The following AKAP13 variants were observed in gnomAD, a reference collection of about 807,000 sequenced individuals.
The protein encoded by AKAP13 is A-kinase anchoring protein 13.
A neutral mutation model predicts 264.5 loss-of-function variants in AKAP13; 80 were observed. The ratio of observed to expected loss-of-function variants is 0.30; its 90% CI spans 0.25 to 0.36. AKAP13 has a LOEUF of 0.36. Among genes scored for constraint, AKAP13 ranks in the 10% least tolerant of loss-of-function variants. AKAP13 has a pLI of 1.00. For missense variants in AKAP13, 3,712 were observed against 3,435.2 expected (o/e 1.08, Z -2.01); for synonymous variants, 1,380 against 1,250.2 (o/e 1.10, Z -2.19).
chr15:85,624,378 A>T (rs2151428443), intron 8 of AKAP13: 1 of 152,306 alleles, frequency 6.6e-6, no homozygotes, highest in South Asian at 2.1e-4. Context: ...AGGCCACACG[A>T]GCTCATTGGC....
At chr15:85,656,504 C>T (rs541537762) in intron 11 of AKAP13, among the ~76,000 whole-genome samples, 5 of 152,052 alleles carry the variant, frequency 3.3e-5, no homozygotes, top group East Asian at 1.9e-4. Flanking sequence ...TGGAGTGCAG[C>T]GGCGCAATCT....
chr15:85,733,181 T>C (rs1490775315), intron 30 of AKAP13, among the ~76,000 whole-genome samples: 1 of 152,260 alleles, frequency 6.6e-6, no homozygotes, highest in African/African-American at 2.4e-5. Flanking sequence ...AGCTCTTTCA[T>C]GCTGGTAATA....
At chr15:85,670,482 A>G (rs546256671) in intron 14 of AKAP13, among the ~76,000 whole-genome samples, 3 of 150,196 alleles carry the variant, frequency 2.0e-5, no homozygotes, top group African/African-American at 4.9e-5. Context: ...CTAATTATCC[A>G]AATCAGGAAA....
Position 85,747,572 on chromosome 15 carries a change from G to A in AKAP13, c.*2895G>A, listed in dbSNP as rs1017930120. ...AGTGAGCTTCCTGGAAGGAGACTGC[G>A]TCTTCTCTCAATTCCAGTCATCTCA... On this transcript the variant is annotated 3_prime_UTR_variant, in exon 37 of 37. Transcript: ENST00000394518. The A allele has an allele frequency of 2.6e-5, 4 of 152,632 alleles. No homozygotes were observed. Among genetic ancestry groups the A allele is most frequent in the Non-Finnish European group, 2.9e-5 (2 of 68,044 alleles). 9.5% of individuals were successfully genotyped at this position (152,632 alleles called of 1,614,324 possible). A position where few individuals can be genotyped will look rare whatever the true frequency, so the allele number is the denominator to read the frequency against.
chr15:85,519,174 T>A (rs1045372019), intron 2 of AKAP13, among the ~76,000 whole-genome samples: 10 of 152,218 alleles, frequency 6.6e-5, no homozygotes, highest in African/African-American at 2.4e-4. Flanking sequence ...CATTACCTTT[T>A]ATGGCCCATT....
chr15:85,687,716 G>T (rs2085024159), intron 16 of AKAP13, among the ~76,000 whole-genome samples: 1 of 151,922 alleles, frequency 6.6e-6, no homozygotes, highest in African/African-American at 2.4e-5. Flanking sequence ...GGAACAGCTT[G>T]GCTTTTGTCA....
At chr15:85,606,914 A>G (rs1433788042) in intron 8 of AKAP13, among the ~76,000 whole-genome samples, 2 of 152,170 alleles carry the variant, frequency 1.3e-5, no homozygotes, top group East Asian at 1.9e-4. Flanking sequence ...AATGGGTCAC[A>G]CTAGTATTTC....
rs563956588 is a variant in AKAP13 at position 85,402,963 on chromosome 15, A to T, written c.-12+22165A>T. ...AGCACCGCTGTTACTCATGTTTTTC[A>T]TTAATGAAATCTGGTAATAAAAGTG... On this transcript the variant is annotated intron_variant, in intron 1 of 36. Coordinates refer to ENST00000394518, the MANE Select transcript of AKAP13 (RefSeq NM_007200.5). Among the ~76,000 whole-genome samples, 11 of 152,340 alleles carry T rather than the reference A, an allele frequency of 7.2e-5. No individual in the cohort carries two copies. The South Asian group carries it at 2.3e-3, about 32-fold the overall frequency.
chr15:85,739,361 T>C (rs542476879), intron 33 of AKAP13, among the ~76,000 whole-genome samples: 4 of 152,356 alleles, frequency 2.6e-5, no homozygotes, highest in African/African-American at 9.6e-5. Flanking sequence ...ATTTATTTGA[T>C]TTCAAATAAG....
At chr15:85,628,555 G>A (rs1478347953) in intron 8 of AKAP13, among the ~76,000 whole-genome samples, 1 of 152,180 alleles carries the variant, frequency 6.6e-6, no homozygotes, top group African/African-American at 2.4e-5. Flanking sequence ...ATCTGCTTGA[G>A]CTTCTTGTGT....
chr15:85,441,882 G>C (rs2073666814), intron 1 of AKAP13, among the ~76,000 whole-genome samples: 2 of 152,008 alleles, frequency 1.3e-5, no homozygotes, highest in African/African-American at 4.8e-5. Context: ...AGTTTGTCTT[G>C]GGTCTTGGCC....
chr15:85,454,752 G>A lies in AKAP13; in HGVS notation c.-11-30958G>A, dbSNP rs576434027. 9.2e-5 allele frequency among the ~76,000 whole-genome samples: 14 copies of A among 152,266 alleles called. No homozygotes were observed. In the South Asian group the frequency reaches 2.7e-3, roughly 29 times the overall value. ...CAGAGAGTTGTTCAACTGTCACTGTGATCAATTTTGAATCTTTTCATCACC... is the reference window on the plus strand; with the variant it reads ...CAGAGAGTTGTTCAACTGTCACTGTAATCAATTTTGAATCTTTTCATCACC... On this transcript the variant is annotated intron_variant, in intron 1 of 36. Transcript: ENST00000394518.
intron 8 of AKAP13, among the ~76,000 whole-genome samples, chr15:85,593,377 G>T (rs2079667468): frequency 6.6e-6 from 1 of 151,548 alleles, no homozygotes; most frequent in Admixed American, 6.6e-5. Context: ...CTTACATTTG[G>T]ACCAAAAGGA....
intron 1 of AKAP13, among the ~76,000 whole-genome samples, chr15:85,443,410 A>T (rs2073781567): frequency 6.6e-6 from 1 of 152,212 alleles, no homozygotes; most frequent in Non-Finnish European, 1.5e-5. Flanking sequence ...ACTAATTACT[A>T]GCTGTGGATT....
chr15:85,418,308 T>G (rs1399814120), intron 1 of AKAP13, among the ~76,000 whole-genome samples: 1 of 152,152 alleles, frequency 6.6e-6, no homozygotes, highest in Non-Finnish European at 1.5e-5. Context: ...CTCTAACTCC[T>G]GGGCTTCAGA....
intron 1 of AKAP13, among the ~76,000 whole-genome samples, chr15:85,411,247 A>G (rs1477794933): frequency 1.3e-5 from 2 of 152,252 alleles, no homozygotes; most frequent in Non-Finnish European, 2.9e-5. Flanking sequence ...ACTGTGAGTG[A>G]GAAATAATGC....
rs1380601035 is a variant in AKAP13, at chr15:85,664,659, C to G, written c.4896C>G (p.His1632Gln). Residue 1632 changes from histidine (H) to glutamine (Q), a missense_variant, in exon 13 of 37, where the codon CAC (histidine) becomes CAG (glutamine). Physicochemically the swap from His to Gln is conservative, Grantham distance 24. Transcript: ENST00000394518. ...VSSANAEELRHPFSGEERVDS... is the reference protein window; with the variant it reads ...VSSANAEELRQPFSGEERVDS... ...CTGCAAATGCCGAAGAGCTCAGACA[C>G]CCATTCAGTGGTGAGGAACGGGTTG... is the stretch of plus-strand genomic sequence containing the variant. 1.3e-5 allele frequency: 21 copies of G among 1,613,994 alleles called. No individual in the cohort carries two copies. The highest frequency in any genetic ancestry group is 1.7e-5 in the Non-Finnish European group (20 of 1,179,988).
rs2079113884 is a variant in AKAP13 at position 85,579,484 on chromosome 15, T to C, written c.1416T>C (p.Asn472=). 1.9e-6 allele frequency: 3 copies of C among 1,614,040 alleles called. No individual in the cohort carries two copies. The highest frequency in any genetic ancestry group is 3.3e-5 in the Admixed American group (2 of 60,012). The part of the protein sequence containing the change: ...GGELGGISTT[N]VSTPDTAGEM... ...AACTGGGAGGCATTTCAACAACAAA[T>C]GTCAGTACCCCAGACACTGCAGGGG... is the stretch of plus-strand genomic sequence containing the variant. Residue 472 remains asparagine, a synonymous_variant, in exon 7 of 37, where the codon AAT becomes AAC. Coordinates refer to ENST00000394518, the MANE Select transcript of AKAP13 (RefSeq NM_007200.5).
At chr15:85,546,102 C>T (rs1279853424) in intron 5 of AKAP13, among the ~76,000 whole-genome samples, 1 of 152,106 alleles carries the variant, frequency 6.6e-6, no homozygotes, top group Admixed American at 6.5e-5. Context: ...CTGTCTTTTA[C>T]ATAGCTAATG....
Sources: gnomAD v4.1 joint callset for allele counts (sites outside exome capture counted in the v4.1 genomes callset) on GRCh38, gnomAD v4.1.1 for gene constraint, MANE v1.5 for transcripts, NCBI Gene and HGNC (gene_info 2026-07-23, HGNC 2026-07-21) for gene names.